The following KLF12 variants were observed in gnomAD, a reference collection of about 807,000 sequenced individuals.
KLF12 encodes Krueppel-like factor 12.
Under a neutral mutation model 37.8 loss-of-function variants are expected in KLF12, and 9 were observed. The observed-to-expected ratio is 0.24, with a 90% CI of 0.14 to 0.42. The LOEUF (loss-of-function observed/expected upper bound fraction) is 0.42, where lower values mean the gene tolerates loss of function less well. Among genes scored for constraint, KLF12 ranks in the 10% least tolerant of loss-of-function variants. KLF12 has a pLI of 1.00. For synonymous variants in KLF12, 208 were observed against 202.1 expected (o/e 1.03, Z -0.25); for missense variants, 411 against 516.0 (o/e 0.80, Z 1.97).
upstream of KLF12, among the ~76,000 whole-genome samples, chr13:74,135,620 G>A (rs1394442337): frequency 6.6e-6 from 1 of 151,546 alleles, no homozygotes; most frequent in Non-Finnish European, 1.5e-5. Context: ...GCGGCGGACG[G>A]AGGCGGGAGG....
At chr13:73,750,823 G>A (rs1195618188) in intron 6 of KLF12, among the ~76,000 whole-genome samples, 2 of 152,118 alleles carry the variant, frequency 1.3e-5, no homozygotes, top group African/African-American at 4.8e-5. Context: ...TAGTTTCCTT[G>A]GTGATCAAGC....
chr13:74,237,383 C>T, the KLF12 span, among the ~76,000 whole-genome samples: 5,533 of 125,668 alleles, frequency 0.044, no homozygotes, highest in African/African-American at 0.088. Flanking sequence ...TGTGATGCCT[C>T]CAGCTTTGTT....
rs1352023215 is a variant in KLF12 at position 73,687,057 on chromosome 13, T to G, written c.*8433A>C. The G allele has an allele frequency of 2.6e-5, 4 of 152,632 alleles. No homozygotes were observed. Among genetic ancestry groups the G allele is most frequent in the Admixed American group, 6.5e-5 (1 of 15,276 alleles). The allele number at this position is 152,632 out of a possible 1,614,324, so 9.5% of individuals were successfully genotyped here. A position where few individuals can be genotyped will look rare whatever the true frequency, so the allele number is the denominator to read the frequency against. On this transcript the variant is annotated 3_prime_UTR_variant, in exon 8 of 8. Transcript: ENST00000377669. ...CTAATTATAACTAAGTCATTTTAAG[T>G]GGCAGGTGGGTATCTTAAAGGTGGT...
chr13:73,888,989 C>T (rs1190817926), intron 3 of KLF12, among the ~76,000 whole-genome samples: 2 of 152,192 alleles, frequency 1.3e-5, no homozygotes, highest in Non-Finnish European at 2.9e-5. Context: ...ATAGTAACCA[C>T]ACTGATTTTG....
chr13:74,096,191 A>G (rs1875977793), intron 1 of KLF12, among the ~76,000 whole-genome samples: 1 of 152,228 alleles, frequency 6.6e-6, no homozygotes. Context: ...TGATACTGAA[A>G]AGTACCAAGT....
the KLF12 span, among the ~76,000 whole-genome samples, chr13:74,220,725 T>C: frequency 1.3e-5 from 2 of 152,330 alleles, no homozygotes; most frequent in East Asian, 3.9e-4. Flanking sequence ...TCTGCTTCTA[T>C]GAAATCGATT....
the KLF12 span, among the ~76,000 whole-genome samples, chr13:74,147,951 G>T: frequency 6.6e-6 from 1 of 150,632 alleles, no homozygotes; most frequent in African/African-American, 2.4e-5. Flanking sequence ...TCACTCTGTC[G>T]CCCAGGCTGG....
chr13:73,714,996 A>C (rs1875690828), intron 7 of KLF12, among the ~76,000 whole-genome samples: 1 of 152,178 alleles, frequency 6.6e-6, no homozygotes, highest in Non-Finnish European at 1.5e-5. Flanking sequence ...TGAGGAGAGC[A>C]AAAAGCATAA....
intron 7 of KLF12, among the ~76,000 whole-genome samples, chr13:73,701,097 G>A (rs1874521575): frequency 6.6e-6 from 1 of 152,018 alleles, no homozygotes; most frequent in African/African-American, 2.4e-5. Context: ...TAATTTTTAA[G>A]AAGTCAGCAG....
intron 1 of KLF12, among the ~76,000 whole-genome samples, chr13:74,125,684 A>G (rs78116502): frequency 0.15 from 23,336 of 152,192 alleles, 1,884 homozygotes; most frequent in Middle Eastern, 0.19. Flanking sequence ...TGGATAAGGT[A>G]TCATAATTTG....
At chr13:73,851,015 G>A (rs1369788913) in intron 3 of KLF12, among the ~76,000 whole-genome samples, 4 of 152,148 alleles carry the variant, frequency 2.6e-5, no homozygotes, top group Non-Finnish European at 4.4e-5. Context: ...TGCGATCTTG[G>A]TATCATCACG....
intron 3 of KLF12, among the ~76,000 whole-genome samples, chr13:73,886,282 A>G (rs1450567202): frequency 6.6e-6 from 1 of 152,242 alleles, no homozygotes; most frequent in Non-Finnish European, 1.5e-5. Flanking sequence ...CATGGAGTAC[A>G]GATAATTTCT....
chr13:74,067,286 C>G (rs1014829824), intron 1 of KLF12, among the ~76,000 whole-genome samples: 1 of 152,170 alleles, frequency 6.6e-6, no homozygotes, highest in Non-Finnish European at 1.5e-5. Context: ...TACCTTTGTC[C>G]TTGGTCTCTA....
the KLF12 span, among the ~76,000 whole-genome samples, chr13:74,238,680 T>G: frequency 6.7e-6 from 1 of 149,788 alleles, no homozygotes; most frequent in Non-Finnish European, 1.5e-5. Flanking sequence ...AGAGTGTATG[T>G]GTCCAGGAAT....
chr13:74,038,697 G>A (rs1343608604), intron 1 of KLF12, among the ~76,000 whole-genome samples: 2 of 152,112 alleles, frequency 1.3e-5, no homozygotes, highest in African/African-American at 4.8e-5. Flanking sequence ...AATTTTTGCT[G>A]AAGTTATTTC....
At chr13:74,153,105 A>G in the KLF12 span, among the ~76,000 whole-genome samples, 7 of 151,132 alleles carry the variant, frequency 4.6e-5, no homozygotes, top group African/African-American at 1.7e-4. Flanking sequence ...ATAGTTAGAA[A>G]ATTTGGGTGT....
chr13:74,254,402 A>G, the KLF12 span, among the ~76,000 whole-genome samples: 32 of 152,264 alleles, frequency 2.1e-4, no homozygotes, highest in African/African-American at 6.7e-4. Context: ...AATACTACTT[A>G]TTGTGCAGTT....
chr13:73,977,558 A>C (rs1276906182), intron 2 of KLF12, among the ~76,000 whole-genome samples: 1 of 152,252 alleles, frequency 6.6e-6, no homozygotes, highest in Non-Finnish European at 1.5e-5. Flanking sequence ...ATAGGATTGA[A>C]TGACAATACT....
At chr13:73,731,202 T>TC (rs1452080492) in intron 6 of KLF12, among the ~76,000 whole-genome samples, 3 of 152,014 alleles carry the variant, frequency 2.0e-5, no homozygotes, top group Non-Finnish European at 4.4e-5. Context: ...GCGAATGGTG[T>TC]CCCCAGCAGC....
Sources: allele counts gnomAD v4.1 joint callset (sites outside exome capture counted in the v4.1 genomes callset), GRCh38; gene constraint gnomAD v4.1.1; transcripts MANE v1.5; gene names NCBI Gene and HGNC (gene_info 2026-07-23, HGNC 2026-07-21).